The following DRC11 variants were observed in gnomAD, a reference collection of about 807,000 sequenced individuals.
DRC11 encodes dynein regulatory complex subunit 11.
chr2:236,412,580 C>T, the DRC11 span: 4 of 152,218 alleles, frequency 2.6e-5, no homozygotes, highest in African/African-American at 9.7e-5. Flanking sequence ...GCCGGTCCAT[C>T]TGTTCTTAAT....
the DRC11 span, among the ~76,000 whole-genome samples, chr2:236,417,500 A>C: frequency 6.6e-6 from 1 of 151,416 alleles, no homozygotes; most frequent in Admixed American, 6.6e-5. Context: ...GTGGATCATA[A>C]CCTCTATCAA....
At chr2:236,433,906 T>A in the DRC11 span, among the ~76,000 whole-genome samples, 1 of 152,264 alleles carries the variant, frequency 6.6e-6, no homozygotes, top group South Asian at 2.1e-4. Context: ...AAATATTTTA[T>A]AATGTTCAAC....
At chr2:236,386,629 A>C in the DRC11 span, among the ~76,000 whole-genome samples, 1 of 151,850 alleles carries the variant, frequency 6.6e-6, no homozygotes, top group African/African-American at 2.4e-5. Flanking sequence ...GGATTCGTTA[A>C]TTTTTTGAAG....
the DRC11 span, among the ~76,000 whole-genome samples, chr2:236,336,435 ACGGC>A: frequency 6.9e-5 from 4 of 58,358 alleles, no homozygotes; most frequent in Non-Finnish European, 1.5e-4. This position sits in a 1 kb window ranked among gnomAD's most constrained non-coding sequence, Gnocchi z 7.3. Context: ...CACTGCCACC[ACGGC>A]CACCACCACT....
chr2:236,423,625 T>C, the DRC11 span, among the ~76,000 whole-genome samples: 4 of 152,142 alleles, frequency 2.6e-5, no homozygotes, highest in South Asian at 6.2e-4. Flanking sequence ...AGTTCAACCA[T>C]TGTGGAAGTC....
chr2:236,491,165 A>ATATATATATATACACAG, the DRC11 span, among the ~76,000 whole-genome samples: 6 of 77,848 alleles, frequency 7.7e-5, no homozygotes, highest in South Asian at 3.4e-4. Flanking sequence ...CACAGTATAT[A>ATATATATATATACACAG]TATATATATA....
At chr2:236,408,394 T>C in the DRC11 span, 3 of 744,354 alleles carry the variant, frequency 4.0e-6, 1 homozygote, top group Admixed American at 1.7e-5. This position sits in a 1 kb window ranked among gnomAD's most constrained non-coding sequence, Gnocchi z 5.5. Context: ...CCCTTTGTAG[T>C]CTTTGCCCTT....
chr2:236,403,777 G>C, the DRC11 span, among the ~76,000 whole-genome samples: 1 of 151,952 alleles, frequency 6.6e-6, no homozygotes, highest in African/African-American at 2.4e-5. Flanking sequence ...AGCTACTAAG[G>C]GTGGGACTCA....
chr2:236,358,483 AATG>A, the DRC11 span, among the ~76,000 whole-genome samples: 19 of 143,904 alleles, frequency 1.3e-4, no homozygotes, highest in African/African-American at 4.6e-4. Context: ...ATATTTGACA[AATG>A]ATGAACATGC....
the DRC11 span, among the ~76,000 whole-genome samples, chr2:236,416,739 A>ATC: frequency 5.5e-5 from 3 of 54,214 alleles, no homozygotes; most frequent in Non-Finnish European, 7.8e-5. Flanking sequence ...ATATATATAT[A>ATC]TATATATATA....
At chr2:236,473,358 C>T in the DRC11 span, among the ~76,000 whole-genome samples, 1 of 152,142 alleles carries the variant, frequency 6.6e-6, no homozygotes, top group East Asian at 1.9e-4. This position sits in a 1 kb window ranked among gnomAD's most constrained non-coding sequence, Gnocchi z 4.8. Flanking sequence ...CGCCCAAGCT[C>T]GTACTTGAGG....
the DRC11 span, among the ~76,000 whole-genome samples, chr2:236,401,123 C>G: frequency 1.3e-5 from 2 of 152,170 alleles, no homozygotes; most frequent in African/African-American, 2.4e-5. The surrounding 1 kb of genome is among the most constrained non-coding windows in gnomAD (Gnocchi z 4.6). Flanking sequence ...CCTCAGCAGA[C>G]CACACACAAC....
chr2:236,392,452 A>T, the DRC11 span: 1 of 606,316 alleles, frequency 1.6e-6, no homozygotes, highest in South Asian at 2.4e-5. The surrounding 1 kb of genome is among the most constrained non-coding windows in gnomAD (Gnocchi z 5.1). Flanking sequence ...AGTTATTGCA[A>T]TATAAACATA....
the DRC11 span, among the ~76,000 whole-genome samples, chr2:236,330,745 A>G: frequency 6.6e-6 from 1 of 152,138 alleles, no homozygotes; most frequent in Non-Finnish European, 1.5e-5. This position sits in a 1 kb window ranked among gnomAD's most constrained non-coding sequence, Gnocchi z 5.5. Flanking sequence ...CACTGTATTT[A>G]TTTTTGCTTA....
At chr2:236,373,387 A>G in the DRC11 span, among the ~76,000 whole-genome samples, 57 of 151,612 alleles carry the variant, frequency 3.8e-4, no homozygotes, top group Admixed American at 7.2e-4. Flanking sequence ...AGTAGCTGGG[A>G]TTACAGGTGT....
At chr2:236,502,088 C>T in the DRC11 span, among the ~76,000 whole-genome samples, 3 of 152,100 alleles carry the variant, frequency 2.0e-5, no homozygotes, top group South Asian at 2.1e-4. Context: ...AAAAGAATGA[C>T]GACTTCTTCA....
At chr2:236,441,032 A>G in the DRC11 span, 1 of 1,476,220 alleles carries the variant, frequency 6.8e-7, no homozygotes, top group Non-Finnish European at 9.3e-7. Context: ...TCTCAAGCAT[A>G]TTTGTACCTG....
At chr2:236,366,280 G>A in the DRC11 span, among the ~76,000 whole-genome samples, 1 of 152,182 alleles carries the variant, frequency 6.6e-6, no homozygotes, top group Non-Finnish European at 1.5e-5. Context: ...GGCCAAGTAT[G>A]TAAGCGGCCA....
the DRC11 span, among the ~76,000 whole-genome samples, chr2:236,473,449 A>C: frequency 6.6e-6 from 1 of 152,236 alleles, no homozygotes; most frequent in Non-Finnish European, 1.5e-5. This position sits in a 1 kb window ranked among gnomAD's most constrained non-coding sequence, Gnocchi z 4.8. Context: ...TAGAATGGGA[A>C]AGTGAACAGG....
Sources: gnomAD v4.1 joint callset for allele counts (sites outside exome capture counted in the v4.1 genomes callset) on GRCh38, gnomAD v4.1.1 for gene constraint, Gnocchi (gnomAD v3.1) non-coding constraint, MANE v1.5 for transcripts, NCBI Gene and HGNC (gene_info 2026-07-23, HGNC 2026-07-21) for gene names.